ACRBP: variants seen among roughly 807,000 people sequenced by gnomAD.
ACRBP encodes the protein acrosin-binding protein.
In ACRBP, 52 loss-of-function variants were observed where a neutral mutation model predicts 69.0. That is an observed-to-expected ratio of 0.75 (90% confidence interval 0.60 to 0.95). The LOEUF (loss-of-function observed/expected upper bound fraction) is 0.95. Ranked by LOEUF, ACRBP falls within the 40% of genes least tolerant of loss-of-function variation. The pLI is 0.00. For synonymous variants in ACRBP, 267 were observed against 258.9 expected (o/e 1.03, Z -0.30); for missense variants, 604 against 673.0 (o/e 0.90, Z 1.13).
chr12:6,647,100 G>T, intron 1 of ACRBP, 88 bp from the exon 2 acceptor site: 1 of 1,271,742 alleles, frequency 7.9e-7, no homozygotes, highest in East Asian at 2.5e-5. Flanking sequence ...TGGCAAATTA[G>T]GAACGGGGTG....
At position 6,646,932 on chromosome 12, in the gene ACRBP, C is replaced by G. The variant is rs1050523562; in HGVS notation, c.124G>C (p.Glu42Gln). ...AGCAGTGCGAAGAAGCGTTCGTATTCGGTAGGAGAGAGAGGGCTGCCTGGA... is the reference window on the plus strand; with the variant it reads ...AGCAGTGCGAAGAAGCGTTCGTATTGGGTAGGAGAGAGAGGGCTGCCTGGA... ...STPGSPLSPT[E>Q]YERFFALLTP... Residue 42 changes from glutamate to glutamine, a missense_variant, in exon 2 of 10, where the codon GAA becomes CAA. Glu to Gln is a conservative substitution (Grantham distance 29). Around this residue, in one of 3 missense-constraint regions of ACRBP, gnomAD observed 532 missense variants for 562.9 expected, o/e 0.95. Transcript: ENST00000229243. 2.5e-6 allele frequency: 4 copies of G among 1,613,752 alleles called. No individual in the cohort carries two copies. Among genetic ancestry groups the G allele is most frequent in the African/African-American group, 2.7e-5 (2 of 74,890 alleles).
intron 3 of ACRBP, 74 bp from the exon 4 acceptor site, chr12:6,645,411 C>G (rs1244841653): frequency 3.5e-6 from 4 of 1,155,088 alleles, no homozygotes; most frequent in Non-Finnish European, 5.2e-6. Context: ...TCTTCAACCC[C>G]TTTTCCAGCA....
chr12:6,646,961 G>T lies in ACRBP; in HGVS notation c.95C>A (p.Ser32Tyr). The T allele has an allele frequency of 6.2e-7, 1 of 1,613,286 alleles. No individual in the cohort carries two copies. Among genetic ancestry groups the T allele is most frequent in the Non-Finnish European group, 8.5e-7 (1 of 1,180,036 alleles). Reference protein sequence around the residue: ...PAAAQDSTQASTPGSPLSPTE... With the variant: ...PAAAQDSTQAYTPGSPLSPTE... ...AGGAGAGAGAGGGCTGCCTGGAGTG[G>T]AGGCCTGAGTCGAATCCTGGGCTGC... Residue 32 changes from serine to tyrosine, a missense_variant, in exon 2 of 10, where the codon TCC (serine) becomes TAC (tyrosine). By Grantham distance (144) the Ser-to-Tyr change is moderately radical (BLOSUM62 -2). Coordinates refer to ENST00000229243, the MANE Select transcript of ACRBP (RefSeq NM_032489.3).
chr12:6,644,236 A>G lies in ACRBP; in HGVS notation c.845T>C (p.Met282Thr), dbSNP rs768119587. ...VREVESTPMI[M>T]ENIQELIRSA... ...TCGAATGAGCTCCTGGATGTTCTCC[A>G]TTATCATAGGAGTAGACTCTACTTC... Residue 282 changes from methionine (M) to threonine (T), a missense_variant, in exon 5 of 10, where the codon ATG becomes ACG. Met to Thr is a moderately conservative substitution (Grantham distance 81). Transcript: ENST00000229243. 3.1e-6 allele frequency: 5 copies of G among 1,614,014 alleles called. No homozygotes were observed. The highest frequency in any genetic ancestry group is 3.4e-6 in the Non-Finnish European group (4 of 1,179,950).
At chr12:6,638,613 G>A in intron 9 of ACRBP, 1 of 1,269,184 alleles carries the variant, frequency 7.9e-7, no homozygotes, top group Non-Finnish European at 1.1e-6. Flanking sequence ...ACAGGCGGCT[G>A]AGGCTCAGAG....
chr12:6,643,438 C>G, intron 6 of ACRBP, 101 bp downstream of exon 6: 1 of 1,492,888 alleles, frequency 6.7e-7, no homozygotes, highest in African/African-American at 1.4e-5. Flanking sequence ...AGCTATGTCT[C>G]ATGCTTCTCC....
In ACRBP at chr12:6,638,954, C is replaced by T; in HGVS notation, c.1509G>A (p.Lys503=). 1.2e-6 allele frequency: 2 copies of T among 1,613,910 alleles called. No individual in the cohort carries two copies. The highest frequency in any genetic ancestry group is 1.7e-6 in the Non-Finnish European group (2 of 1,179,936). The change falls in exon 9 of 10, where the codon AAG becomes AAA. Residue 503 remains lysine (K), a splice_region_variant and synonymous_variant. Coordinates refer to ENST00000229243, the MANE Select transcript of ACRBP (RefSeq NM_032489.3). ...QQCLMRNRNR[K]VSRMRCLQNE... is the part of the protein sequence containing the mutation. ...GGAGGGGCAGGGCAGGGGTGCTCAC[C>T]TTCCGATTGCGGTTTCTCATCAGAC...
Position 6,643,662 on chromosome 12 carries a change from C to A in ACRBP, c.954G>T (p.Gln318His). 6.2e-7 allele frequency: 1 copy of A among 1,613,948 alleles called. No homozygotes were observed. The highest frequency in any genetic ancestry group is 1.3e-5 in the African/African-American group (1 of 75,064). ...WRNQNPGSLL[Q>H]LPHTEALLVL... is the part of the protein sequence containing the mutation. ...CCAGCAAGGCCTCTGTGTGGGGCAG[C>A]TGCAGGAGGCTGCAAGAAGACAGCA... The change falls in exon 6 of 10, where the codon CAG (glutamine) becomes CAT (histidine). Residue 318 changes from glutamine (Q) to histidine (H), a missense_variant. By Grantham distance (24) the Gln-to-His change is conservative. Transcript: ENST00000229243.
At chr12:6,645,120 C>G in intron 4 of ACRBP, 100 bp downstream of exon 4, 2 of 957,838 alleles carry the variant, frequency 2.1e-6, no homozygotes, top group Non-Finnish European at 3.2e-6. Context: ...CCCTTCCCGC[C>G]CAACATGCTT....
chr12:6,647,016 C>G lies in ACRBP; in HGVS notation c.44-4G>C. ...GGTGCCAGAGGCAGGAGCAGCACTGCGGAGCGGGCGAACGGATGATGGAAG... is the reference window on the plus strand; with the variant it reads ...GGTGCCAGAGGCAGGAGCAGCACTGGGGAGCGGGCGAACGGATGATGGAAG... On this transcript the variant is annotated splice_polypyrimidine_tract_variant and splice_region_variant and intron_variant, in intron 1 of 9. Coordinates refer to ENST00000229243, the MANE Select transcript of ACRBP (RefSeq NM_032489.3). 1 of 1,607,192 alleles carries G rather than the reference C, an allele frequency of 6.2e-7. No individual in the cohort carries two copies. Among genetic ancestry groups the G allele is most frequent in the Non-Finnish European group, 8.5e-7 (1 of 1,179,536 alleles).
At position 6,643,418 on chromosome 12, in the gene ACRBP, G is replaced by A. The variant is rs1033973984; in HGVS notation, c.1077+121C>T. 6.6e-6 allele frequency: 9 copies of A among 1,373,216 alleles called. No homozygotes were observed. The African/African-American group carries it at 1.3e-4, about 20-fold the overall frequency. The allele number at this position is 1,373,216 out of a possible 1,614,324, so 85.1% of individuals were successfully genotyped here. A position where few individuals can be genotyped will look rare whatever the true frequency, so the allele number is the denominator to read the frequency against. On this transcript the variant is annotated intron_variant, in intron 6 of 9. Coordinates refer to ENST00000229243, the MANE Select transcript of ACRBP (RefSeq NM_032489.3). ...CTAAGAAAAGAGTCCCACTTGGAGAGAATCTCTCCAGCTATGTCTCATGCT... is the reference window on the plus strand; with the variant it reads ...CTAAGAAAAGAGTCCCACTTGGAGAAAATCTCTCCAGCTATGTCTCATGCT...
chr12:6,639,097 T>C, intron 8 of ACRBP, 60 bp from the exon 9 acceptor site: 1 of 1,477,202 alleles, frequency 6.8e-7, no homozygotes, highest in Non-Finnish European at 9.5e-7. Context: ...GCAGCAGCAC[T>C]CCAGGGAATA....
At chr12:6,647,231 G>A in intron 1 of ACRBP, 93 bp downstream of exon 1, 1 of 1,427,148 alleles carries the variant, frequency 7.0e-7, no homozygotes, top group Admixed American at 2.6e-5. Flanking sequence ...CGACCACCAT[G>A]AGGAAGCGAT....
rs761348118 is a variant in ACRBP at position 6,644,212 on chromosome 12, C to T, written c.869G>A (p.Arg290Gln). Residue 290 changes from arginine (R) to glutamine (Q), a missense_variant, in exon 5 of 10, where the codon CGA becomes CAA. Arg to Gln is a conservative substitution (Grantham distance 43). Coordinates refer to ENST00000229243, the MANE Select transcript of ACRBP (RefSeq NM_032489.3). ...MIMENIQELI[R>Q]SAQEIDEMNE... ...CATTTCATCTATTTCCTGGGCTGAT[C>T]GAATGAGCTCCTGGATGTTCTCCAT... is the stretch of plus-strand genomic sequence containing the variant. 1.9e-5 allele frequency: 30 copies of T among 1,613,530 alleles called. No individual in the cohort carries two copies. The highest frequency in any genetic ancestry group is 3.3e-4 in the Middle Eastern group (2 of 6,082).
intron 8 of ACRBP, among the ~76,000 whole-genome samples, chr12:6,639,596 G>A (rs996590560): frequency 6.6e-6 from 1 of 152,200 alleles, no homozygotes; most frequent in African/African-American, 2.4e-5. Flanking sequence ...CATTCCACAG[G>A]GGAGGTAACT....
At chr12:6,639,912 G>A (rs1949038906) in intron 8 of ACRBP, 148 bp downstream of exon 8, 9 of 958,808 alleles carry the variant, frequency 9.4e-6, no homozygotes, top group Non-Finnish European at 1.2e-5. Flanking sequence ...ATGGTCTCTT[G>A]GAGAGAGGCA....
In ACRBP at chr12:6,640,626, G is replaced by T. The variant is rs1949045987; in HGVS notation, c.1078-104C>A. 2 of 1,300,722 alleles carry T rather than the reference G, an allele frequency of 1.5e-6. No homozygotes were observed. Among genetic ancestry groups the T allele is most frequent in the Non-Finnish European group, 1.0e-6 (1 of 955,214 alleles). The allele number at this position is 1,300,722 out of a possible 1,614,324, so 80.6% of individuals were successfully genotyped here. ...GCCCTGCAGAATGTCTTTGCATTTA[G>T]CCTCTTCCAAAAGCTTCTCTGGGTT... On this transcript the variant is annotated intron_variant, in intron 6 of 9. Coordinates refer to ENST00000229243, the MANE Select transcript of ACRBP (RefSeq NM_032489.3). This position sits in a 1 kb window ranked among gnomAD's most constrained non-coding sequence, Gnocchi z 5.3.
At chr12:6,642,979 T>C (rs7954585) in intron 6 of ACRBP, among the ~76,000 whole-genome samples, 4,821 of 152,166 alleles carry the variant, frequency 0.032, 86 homozygotes, top group Admixed American at 0.042. Flanking sequence ...AGGCTGGGCA[T>C]GGTGGCTCAT....
Position 6,644,400 on chromosome 12 carries a change from T to C in ACRBP, c.681A>G (p.Glu227=). The C allele has an allele frequency of 6.2e-7, 1 of 1,614,048 alleles. No individual in the cohort carries two copies. ...QKQEEQEEEQ[E]EEGKQEEGQG... The stretch of plus-strand genomic sequence containing the variant: ...GTCCTTCTTCCTGCTTTCCCTCCTC[T>C]TCCTGTTCCTCTTCTTGCTCTTCCT... The change falls in exon 5 of 10, where the codon GAA becomes GAG. Residue 227 remains glutamate (E), a synonymous_variant. Transcript: ENST00000229243.
Sources: allele counts gnomAD v4.1 joint callset (sites outside exome capture counted in the v4.1 genomes callset), GRCh38; gene constraint gnomAD v4.1.1; regional missense constraint gnomAD v4.1.1; non-coding constraint Gnocchi (gnomAD v3.1); transcripts MANE v1.5; gene names NCBI Gene and HGNC (gene_info 2026-07-23, HGNC 2026-07-21).